GPC6: variants seen among roughly 807,000 people sequenced by gnomAD.
GPC6 encodes glypican-6.
Under a neutral mutation model 55.2 loss-of-function variants are expected in GPC6, and 14 were observed. The observed-to-expected ratio is 0.25, with a 90% CI of 0.17 to 0.40. The LOEUF is 0.40. Among genes scored for constraint, GPC6 ranks in the 10% least tolerant of loss-of-function variants. GPC6 has a pLI of 1.00. For synonymous variants in GPC6, 278 were observed against 259.6 expected, an observed-to-expected ratio of 1.07 and a Z score of -0.68; for missense variants, 641 against 708.5, an observed-to-expected ratio of 0.90 and a Z score of 1.08.
chr13:93,483,490 T>A (rs1472140210), intron 1 of GPC6, among the ~76,000 whole-genome samples: 3 of 152,126 alleles, frequency 2.0e-5, no homozygotes, highest in Non-Finnish European at 2.9e-5. Context: ...TCTGATTATT[T>A]CTATCCATTC....
chr13:93,770,906 A>T (rs1885268362), intron 2 of GPC6, among the ~76,000 whole-genome samples: 1 of 151,798 alleles, frequency 6.6e-6, no homozygotes, highest in Non-Finnish European at 1.5e-5. Flanking sequence ...CATCCTTAGG[A>T]TGGTTCTCAA....
At chr13:93,885,069 T>C (rs1566585903) in intron 3 of GPC6, among the ~76,000 whole-genome samples, 1 of 151,928 alleles carries the variant, frequency 6.6e-6, no homozygotes, top group African/African-American at 2.4e-5. Context: ...CATTGAGAGA[T>C]TAAAAAGTCC....
intron 2 of GPC6, among the ~76,000 whole-genome samples, chr13:93,680,494 G>A (rs902003489): frequency 6.6e-6 from 1 of 152,144 alleles, no homozygotes; most frequent in Non-Finnish European, 1.5e-5. Flanking sequence ...CTGGTATATA[G>A]GTTTAGAGGA....
intron 1 of GPC6, among the ~76,000 whole-genome samples, chr13:93,315,216 A>G (rs978216646): frequency 2.0e-5 from 3 of 152,088 alleles, no homozygotes; most frequent in African/African-American, 7.2e-5. Context: ...TTGTTTATTT[A>G]AAGAGATATG....
chr13:93,357,642 C>T (rs961366639), intron 1 of GPC6, among the ~76,000 whole-genome samples: 9 of 151,786 alleles, frequency 5.9e-5, no homozygotes, highest in African/African-American at 2.2e-4. Flanking sequence ...TGCTCAAAAT[C>T]AGCCTGAGCA....
At chr13:93,489,598 C>T (rs1471621038) in intron 1 of GPC6, among the ~76,000 whole-genome samples, 1 of 151,526 alleles carries the variant, frequency 6.6e-6, no homozygotes, top group Non-Finnish European at 1.5e-5. Context: ...TCTTCCTATC[C>T]ATGAGCATGG....
intron 5 of GPC6, among the ~76,000 whole-genome samples, chr13:94,294,619 T>A (rs1308202576): frequency 6.6e-6 from 1 of 152,036 alleles, no homozygotes; most frequent in Non-Finnish European, 1.5e-5. Context: ...GGTTTCTTTT[T>A]CCAGCATCCA....
At position 94,273,115 on chromosome 13, in the gene GPC6, G is replaced by A. The variant is rs1180067425; in HGVS notation, c.878-13234G>A. 5.3e-5 allele frequency among the ~76,000 whole-genome samples: 8 copies of A among 152,152 alleles called. No homozygotes were observed. The East Asian group carries it at 1.3e-3, about 26-fold the overall frequency. The stretch of plus-strand genomic sequence containing the variant: ...AAGCATTTATTGTGCTGCCTGCCTG[G>A]TGTTGCATTTAACCCCCCAGTGAAG... On this transcript the variant is annotated intron_variant, in intron 4 of 8. Coordinates refer to ENST00000377047, the MANE Select transcript of GPC6 (RefSeq NM_005708.5).
rs146724535 is a variant in GPC6, at chr13:94,064,063, G to A, written c.877+36169G>A. Among the ~76,000 whole-genome samples, 510 of 152,218 alleles carry A rather than the reference G, an allele frequency of 3.4e-3. 6 individuals are homozygous for A. Among genetic ancestry groups the A allele is most frequent in the African/African-American group, 0.012 (495 of 41,534 alleles). ...GCTGTCAAGTTAGTATGGTTAGTAC[G>A]TAGATGAGAATCAACACACCCTGGT... On this transcript the variant is annotated intron_variant, in intron 4 of 8. Transcript: ENST00000377047.
At chr13:93,397,326 C>CT (rs1232175570) in intron 1 of GPC6, among the ~76,000 whole-genome samples, 1 of 151,970 alleles carries the variant, frequency 6.6e-6, no homozygotes, top group Non-Finnish European at 1.5e-5. Flanking sequence ...TATTTTCTTC[C>CT]TTTTTTTGGT....
intron 2 of GPC6, among the ~76,000 whole-genome samples, chr13:93,639,090 TA>T (rs201615381): frequency 6.6e-4 from 96 of 145,774 alleles, no homozygotes; most frequent in South Asian, 1.5e-3. Flanking sequence ...AATGAAATAA[TA>T]AAAAAAAAAG....
intron 6 of GPC6, among the ~76,000 whole-genome samples, chr13:94,376,857 G>C (rs111309638): frequency 1.3e-5 from 2 of 151,448 alleles, no homozygotes; most frequent in Admixed American, 1.3e-4. Context: ...CAGAGATATA[G>C]ATCAATGGAA....
chr13:93,676,908 G>A (rs1351616558), intron 2 of GPC6, among the ~76,000 whole-genome samples: 2 of 152,040 alleles, frequency 1.3e-5, no homozygotes, highest in Non-Finnish European at 1.5e-5. Context: ...GAGATGAAGC[G>A]AGGTACTGTA....
At chr13:94,096,388 C>G (rs1303330472) in intron 4 of GPC6, among the ~76,000 whole-genome samples, 1 of 151,624 alleles carries the variant, frequency 6.6e-6, no homozygotes, top group Non-Finnish European at 1.5e-5. Context: ...AGCTACAATG[C>G]TTCATACACA....
At chr13:94,160,075 A>T (rs1258195869) in intron 4 of GPC6, among the ~76,000 whole-genome samples, 1 of 152,188 alleles carries the variant, frequency 6.6e-6, no homozygotes, top group Non-Finnish European at 1.5e-5. Context: ...CTTATAGCCA[A>T]TCATGGTCCG....
At chr13:93,722,785 C>A (rs984136331) in intron 2 of GPC6, among the ~76,000 whole-genome samples, 2 of 151,890 alleles carry the variant, frequency 1.3e-5, no homozygotes, top group African/African-American at 4.8e-5. Flanking sequence ...AATCTGTTCC[C>A]TCTGTTCCAT....
At chr13:93,893,579 G>A (rs1261025610) in intron 3 of GPC6, among the ~76,000 whole-genome samples, 1 of 152,070 alleles carries the variant, frequency 6.6e-6, no homozygotes, top group Non-Finnish European at 1.5e-5. Flanking sequence ...TGTCCAATCA[G>A]CATTAAATTC....
chr13:93,694,851 T>G (rs1882393370), intron 2 of GPC6, among the ~76,000 whole-genome samples: 1 of 152,118 alleles, frequency 6.6e-6, no homozygotes, highest in South Asian at 2.1e-4. Flanking sequence ...TCACCTATGT[T>G]GTCATTCTCA....
At chr13:93,859,218 A>G (rs1226855987) in intron 3 of GPC6, among the ~76,000 whole-genome samples, 1 of 151,670 alleles carries the variant, frequency 6.6e-6, no homozygotes, top group Non-Finnish European at 1.5e-5. Flanking sequence ...TTAAAAATGC[A>G]CAAACATGTA....
Sources: gnomAD v4.1 joint callset for allele counts (sites outside exome capture counted in the v4.1 genomes callset) on GRCh38, gnomAD v4.1.1 for gene constraint, MANE v1.5 for transcripts, NCBI Gene and HGNC (gene_info 2026-07-23, HGNC 2026-07-21) for gene names.